Variants in OGFOD1 observed in about 807,000 individuals in gnomAD.
OGFOD1 encodes prolyl 3-hydroxylase OGFOD1.
OGFOD1 carries 54 observed loss-of-function variants against 67.7 expected under a neutral mutation model. The ratio of observed to expected loss-of-function variants is 0.80; its 90% CI spans 0.64 to 1.00. OGFOD1 has a LOEUF of 1.00. Ranked by LOEUF, OGFOD1 falls within the 50% of genes least tolerant of loss-of-function variation. The pLI, the probability that OGFOD1 is intolerant of heterozygous loss-of-function variation, is 0.00. For synonymous variants in OGFOD1, 221 were observed against 227.0 expected (o/e 0.97, Z 0.24); for missense variants, 606 against 646.7 (o/e 0.94, Z 0.68).
chr16:56,467,318 A>T, intron 7 of OGFOD1, 25 bp downstream of exon 7: 1 of 1,613,160 alleles, frequency 6.2e-7, no homozygotes, highest in Non-Finnish European at 8.5e-7. Flanking sequence ...TGATATCCTT[A>T]TCTTAGGAGC....
intron 2 of OGFOD1, among the ~76,000 whole-genome samples, chr16:56,455,440 A>AG (rs765163295): frequency 2.2e-4 from 34 of 151,980 alleles, no homozygotes; most frequent in Non-Finnish European, 4.3e-4. Context: ...AAAAAAAAAA[A>AG]GGAGCTGCCA....
chr16:56,457,125 A>G (rs1162061512), intron 2 of OGFOD1, among the ~76,000 whole-genome samples: 1 of 152,254 alleles, frequency 6.6e-6, no homozygotes, highest in Non-Finnish European at 1.5e-5. Flanking sequence ...GTTCACATAA[A>G]AACTTGTGCA....
At position 56,470,320 on chromosome 16, in the gene OGFOD1, A is replaced by G. The variant is rs898275261; in HGVS notation, c.981-167A>G. 6 of 697,428 alleles carry G rather than the reference A, an allele frequency of 8.6e-6. No individual in the cohort carries two copies. The African/African-American group carries it at 1.1e-4, about 13-fold the overall frequency. The allele number at this position is 697,428 out of a possible 1,614,324, so 43.2% of individuals were successfully genotyped here. A position where few individuals can be genotyped will look rare whatever the true frequency, so the allele number is the denominator to read the frequency against. ...GTTCTCAGGGACATCCAGTAGCAGG[A>G]TGTCCTAACAAAATCCTAACAAAAT... On this transcript the variant is annotated intron_variant, in intron 9 of 12. Transcript: ENST00000566157.
At chr16:56,457,048 C>T (rs1472596998) in intron 2 of OGFOD1, among the ~76,000 whole-genome samples, 1 of 152,210 alleles carries the variant, frequency 6.6e-6, no homozygotes, top group Non-Finnish European at 1.5e-5. Context: ...CTTAGACAGT[C>T]ACTGAAGTCA....
rs112518561 is a variant in OGFOD1 at position 56,473,997 on chromosome 16, C to G, written c.1286-831C>G. On this transcript the variant is annotated intron_variant, in intron 10 of 12. Transcript: ENST00000566157. ...AATATTTTCGTATTTTTAGTAGAAA[C>G]GGGGTTTTGCCATATTGGCCAGGCT... Among the ~76,000 whole-genome samples the G allele has an allele frequency of 3.3e-5, 5 of 152,090 alleles. No individual in the cohort carries two copies. In the South Asian group the frequency reaches 1.0e-3, roughly 32 times the overall value.
At chr16:56,464,363 A>G (rs1962825208) in intron 4 of OGFOD1, among the ~76,000 whole-genome samples, 1 of 152,088 alleles carries the variant, frequency 6.6e-6, no homozygotes, top group Non-Finnish European at 1.5e-5. Flanking sequence ...ATCAGTATAT[A>G]TTTTGTGGGG....
At chr16:56,472,910 GT>G (rs1963264489) in intron 10 of OGFOD1, among the ~76,000 whole-genome samples, 1 of 150,630 alleles carries the variant, frequency 6.6e-6, no homozygotes, top group African/African-American at 2.4e-5. Context: ...CACCAAAGCA[GT>G]TTTGCTTTTT....
In OGFOD1 at chr16:56,476,743, T is replaced by C. The variant is rs1437218429; in HGVS notation, c.*538T>C. On this transcript the variant is annotated 3_prime_UTR_variant, in exon 13 of 13. Transcript: ENST00000566157. ...CATATTTCTCATGTAAGTGGAATCA[T>C]ACAGTATTTGTCCTTTTGTGACTGG... The C allele has an allele frequency of 2.0e-5, 3 of 152,554 alleles. No individual in the cohort carries two copies. Among genetic ancestry groups the C allele is most frequent in the African/African-American group, 7.2e-5 (3 of 41,418 alleles). 9.5% of individuals were successfully genotyped at this position (152,554 alleles called of 1,614,324 possible). A position where few individuals can be genotyped will look rare whatever the true frequency, so the allele number is the denominator to read the frequency against.
chr16:56,454,846 G>A (rs1962473517), intron 2 of OGFOD1: 3 of 406,412 alleles, frequency 7.4e-6, no homozygotes, highest in Non-Finnish European at 1.4e-5. Flanking sequence ...ACACATGACT[G>A]AATTAACCAG....
chr16:56,474,750 TA>T, intron 10 of OGFOD1, 77 bp from the exon 11 acceptor site: 1 of 1,180,416 alleles, frequency 8.5e-7, no homozygotes, highest in South Asian at 1.5e-5. Context: ...GTATCATTCC[TA>T]ATTATGATTC....
intron 2 of OGFOD1, chr16:56,454,709 CATTTT>C: frequency 2.7e-6 from 1 of 374,688 alleles, no homozygotes; most frequent in East Asian, 8.5e-5. Context: ...TGCATTTTCC[CATTTT>C]ATTTTATCTG....
intron 1 of OGFOD1, 58 bp downstream of exon 1, chr16:56,451,824 A>G: frequency 6.3e-7 from 1 of 1,578,450 alleles, no homozygotes; most frequent in Non-Finnish European, 8.6e-7. Context: ...TCTCTGAAAA[A>G]GCCCTGGGAC....
chr16:56,460,820 G>A (rs1375566502), intron 3 of OGFOD1, among the ~76,000 whole-genome samples: 2 of 152,180 alleles, frequency 1.3e-5, no homozygotes, highest in African/African-American at 4.8e-5. Context: ...ATCTTTGTAA[G>A]CGTAACTTGA....
Position 56,477,152 on chromosome 16 carries a change from AC to A in OGFOD1, c.*948del, listed in dbSNP as rs1448506109. ...CTCAAAAAAAAAAAAGAAGAAAAAAACATAAGTGATTGCAGAATTTTGTTCT... is the reference window on the plus strand; with the variant it reads ...CTCAAAAAAAAAAAAGAAGAAAAAAAATAAGTGATTGCAGAATTTTGTTCT... On this transcript the variant is annotated 3_prime_UTR_variant, in exon 13 of 13. Coordinates refer to ENST00000566157, the MANE Select transcript of OGFOD1 (RefSeq NM_018233.4). The A allele has an allele frequency of 1.3e-5, 2 of 152,138 alleles. No homozygotes were observed. The highest frequency in any genetic ancestry group is 4.8e-5 in the African/African-American group (2 of 41,440). The allele number at this position is 152,138 out of a possible 1,614,324, so 9.4% of individuals were successfully genotyped here.
intron 9 of OGFOD1, 27 bp from the exon 10 acceptor site, chr16:56,470,460 G>T: frequency 1.3e-6 from 2 of 1,569,514 alleles, no homozygotes; most frequent in South Asian, 2.4e-5. Context: ...TGGCTTTGAT[G>T]AACAACTTGA....
At position 56,467,997 on chromosome 16, in the gene OGFOD1, T is replaced by C; in HGVS notation, c.879T>C (p.Ile293=). Reference sequence around the variant, plus strand: ...AAGAGTTTGAAGAAAGTTCTGAAATTCTCCTGAAGGAGTTTCTTAAGGTAA... The same window carrying C: ...AAGAGTTTGAAGAAAGTTCTGAAATCCTCCTGAAGGAGTTTCTTAAGGTAA... The part of the protein sequence containing the change: ...IQEEFEESSE[I]LLKEFLKPEK... Residue 293 remains isoleucine, a synonymous_variant, in exon 8 of 13, where the codon ATT becomes ATC. Transcript: ENST00000566157. 1 of 1,576,656 alleles carries C rather than the reference T, an allele frequency of 6.3e-7. No individual in the cohort carries two copies. Among genetic ancestry groups the C allele is most frequent in the Non-Finnish European group, 8.7e-7 (1 of 1,145,934 alleles).
chr16:56,470,054 T>A lies in OGFOD1; in HGVS notation c.952T>A (p.Trp318Arg). The change falls in exon 9 of 13, where the codon TGG becomes AGG. Residue 318 changes from tryptophan to arginine, a missense_variant. Physicochemically the swap from Trp to Arg is moderately radical, Grantham distance 101. Coordinates refer to ENST00000566157, the MANE Select transcript of OGFOD1 (RefSeq NM_018233.4). ...GGCCTTGGAGCATGGACATGTGGAA[T>A]GGAGCAGCCGAGGTCCCCCTAACAA... The part of the protein sequence containing the change: ...CEALEHGHVE[W>R]SSRGPPNKRF... The A allele has an allele frequency of 3.1e-6, 5 of 1,614,080 alleles. No individual in the cohort carries two copies. The highest frequency in any genetic ancestry group is 3.4e-6 in the Non-Finnish European group (4 of 1,180,008).
intron 2 of OGFOD1, chr16:56,458,245 C>T: frequency 3.1e-6 from 1 of 325,490 alleles, no homozygotes. Flanking sequence ...CCTTTATGCA[C>T]TTCTCACCAT....
chr16:56,454,791 G>T (rs1962470327), intron 2 of OGFOD1: 1 of 447,716 alleles, frequency 2.2e-6, no homozygotes, highest in East Asian at 7.2e-5. Context: ...TGGTCAGATG[G>T]TTGTATCCTG....
Sources: allele counts gnomAD v4.1 joint callset (sites outside exome capture counted in the v4.1 genomes callset), GRCh38; gene constraint gnomAD v4.1.1; transcripts MANE v1.5; gene names NCBI Gene and HGNC (gene_info 2026-07-23, HGNC 2026-07-21).